CXCL17: variants seen among roughly 807,000 people sequenced by gnomAD.
CXCL17 encodes the protein C-X-C motif chemokine 17.
In CXCL17, 9 loss-of-function variants were observed where a neutral mutation model predicts 15.5. The ratio of observed to expected loss-of-function variants is 0.58; its 90% CI spans 0.35 to 1.01. CXCL17 has a LOEUF of 1.01. Among genes scored for constraint, CXCL17 ranks in the 50% least tolerant of loss-of-function variants. The pLI is 0.02. For synonymous variants in CXCL17, 52 were observed against 52.3 expected (o/e 0.99, Z 0.02); for missense variants, 133 against 138.2 (o/e 0.96, Z 0.19).
chr19:42,431,728 A>G (rs947094870), intron 3 of CXCL17, among the ~76,000 whole-genome samples: 3 of 151,202 alleles, frequency 2.0e-5, no homozygotes, highest in Admixed American at 1.3e-4. Context: ...TATTTTAGAG[A>G]CAGGATCTTG....
intron 1 of CXCL17, among the ~76,000 whole-genome samples, chr19:42,435,599 G>A (rs1039682354): frequency 7.2e-5 from 11 of 152,110 alleles, no homozygotes; most frequent in African/African-American, 2.4e-4. Context: ...TTGGGAGGCC[G>A]AGGTGGGTGA....
chr19:42,429,453 C>T (rs2040754193), intron 3 of CXCL17, among the ~76,000 whole-genome samples: 2 of 151,924 alleles, frequency 1.3e-5, no homozygotes, highest in Admixed American at 6.6e-5. Flanking sequence ...CTCAGCCTCT[C>T]GAGTAGCTGG....
intron 3 of CXCL17, among the ~76,000 whole-genome samples, chr19:42,429,796 C>T (rs952625714): frequency 6.6e-6 from 1 of 152,128 alleles, no homozygotes; most frequent in Non-Finnish European, 1.5e-5. Context: ...TTTTCCATAC[C>T]TTCTGGTATA....
chr19:42,438,407 A>AT (rs1568622705), intron 1 of CXCL17, among the ~76,000 whole-genome samples: 110 of 101,094 alleles, frequency 1.1e-3, no homozygotes, highest in African/African-American at 4.5e-3. Flanking sequence ...TATATATATA[A>AT]AATACACACA....
intron 1 of CXCL17, among the ~76,000 whole-genome samples, chr19:42,435,514 C>A (rs2147697765): frequency 6.6e-6 from 1 of 152,042 alleles, no homozygotes; most frequent in Non-Finnish European, 1.5e-5. Context: ...GGCCCTACAC[C>A]AGTCTGCCTG....
chr19:42,441,908 A>G (rs907348739), intron 1 of CXCL17, among the ~76,000 whole-genome samples: 28 of 152,232 alleles, frequency 1.8e-4, no homozygotes, highest in African/African-American at 6.5e-4. Context: ...AAAGCTTCAA[A>G]TATGGACACT....
At chr19:42,434,329 C>G (rs1038415869) in intron 1 of CXCL17, among the ~76,000 whole-genome samples, 7 of 152,156 alleles carry the variant, frequency 4.6e-5, no homozygotes, top group Admixed American at 4.6e-4. Flanking sequence ...CTCCTCATAC[C>G]TCACATTAAA....
At chr19:42,442,462 T>C (rs1221080924) in intron 1 of CXCL17, among the ~76,000 whole-genome samples, 1 of 152,138 alleles carries the variant, frequency 6.6e-6, no homozygotes, top group Non-Finnish European at 1.5e-5. Context: ...CTCGATCTCC[T>C]GACCTTGTAA....
chr19:42,430,691 A>T (rs1317003475), intron 3 of CXCL17, among the ~76,000 whole-genome samples: 1 of 151,636 alleles, frequency 6.6e-6, no homozygotes, highest in Admixed American at 6.6e-5. Flanking sequence ...CACAGTGATA[A>T]TCTTGACTTT....
At chr19:42,434,667 C>T (rs1282665096) in intron 1 of CXCL17, among the ~76,000 whole-genome samples, 2 of 151,498 alleles carry the variant, frequency 1.3e-5, no homozygotes, top group African/African-American at 2.4e-5. Context: ...TGGGCGTAAG[C>T]GATCCGCCTG....
chr19:42,440,383 A>G (rs899204792), intron 1 of CXCL17, among the ~76,000 whole-genome samples: 8 of 152,112 alleles, frequency 5.3e-5, no homozygotes, highest in South Asian at 2.1e-4. Context: ...TATTTTGGGG[A>G]TGGAGGAGCT....
chr19:42,429,034 C>T, intron 3 of CXCL17, 53 bp from the exon 4 acceptor site: 4 of 1,227,624 alleles, frequency 3.3e-6, no homozygotes, highest in Non-Finnish European at 2.3e-6. Context: ...TTTAACATTT[C>T]TTTTTTTTTT....
Position 42,433,870 on chromosome 19 carries a change from A to C in CXCL17, c.80-14T>G, listed in dbSNP as rs201237936. The C allele has an allele frequency of 5.6e-6, 9 of 1,608,348 alleles. No homozygotes were observed. In the South Asian group the frequency reaches 7.7e-5, roughly 14 times the overall value. On this transcript the variant is annotated splice_polypyrimidine_tract_variant and intron_variant, in intron 1 of 3. Transcript: ENST00000601181. ...CTCTGGCGACCCCTGTCGGAAGGAA[A>C]CAGGTCACATCCAGACACTGGAAAG...
At position 42,428,882 on chromosome 19, in the gene CXCL17, T is replaced by G. The variant is rs764139071; in HGVS notation, c.*2A>C. On this transcript the variant is annotated 3_prime_UTR_variant, in exon 4 of 4. Transcript: ENST00000601181. ...AATTGGAAGAGTGGGCGCTCAGAGC[T>G]CCTACAAAGGCAGAGCAAAGCTTCT... 3 of 1,611,234 alleles carry G rather than the reference T, an allele frequency of 1.9e-6. No homozygotes were observed. Among genetic ancestry groups the G allele is most frequent in the East Asian group, 2.2e-5 (1 of 44,872 alleles).
chr19:42,438,016 A>T (rs933931123), intron 1 of CXCL17, among the ~76,000 whole-genome samples: 3 of 152,078 alleles, frequency 2.0e-5, no homozygotes, highest in Admixed American at 6.6e-5. Context: ...AGTCTAATTT[A>T]TGAATTAGGC....
intron 1 of CXCL17, among the ~76,000 whole-genome samples, chr19:42,437,420 C>G (rs182152620): frequency 4.5e-4 from 69 of 152,208 alleles, no homozygotes; most frequent in African/African-American, 1.5e-3. Flanking sequence ...TTTTGGGAAC[C>G]ACTGATACAG....
intron 2 of CXCL17, 122 bp downstream of exon 2, chr19:42,433,654 C>G: frequency 1.3e-6 from 1 of 779,392 alleles, no homozygotes; most frequent in Non-Finnish European, 2.2e-6. Context: ...ATGTGGCAGG[C>G]TGTGGAGAGG....
At chr19:42,442,482 C>A (rs562639810) in intron 1 of CXCL17, among the ~76,000 whole-genome samples, 1 of 152,112 alleles carries the variant, frequency 6.6e-6, no homozygotes, top group Admixed American at 6.5e-5. Flanking sequence ...ATCCGCCCTG[C>A]CTTGGCCTCC....
rs761739986 is a variant in CXCL17 at position 42,432,959 on chromosome 19, A to G, written c.262+17T>C. The G allele has an allele frequency of 5.0e-6, 8 of 1,590,834 alleles. No individual in the cohort carries two copies. Among genetic ancestry groups the G allele is most frequent in the Non-Finnish European group, 5.2e-6 (6 of 1,159,064 alleles). On this transcript the variant is annotated intron_variant, in intron 3 of 3. Transcript: ENST00000601181. ...GAGTGACTCTGGTATAAGGAAAATC[A>G]TCCTTTGGAAACTTACTTGTTTTCT...
Sources: gnomAD v4.1 joint callset for allele counts (sites outside exome capture counted in the v4.1 genomes callset) on GRCh38, gnomAD v4.1.1 for gene constraint, MANE v1.5 for transcripts, NCBI Gene and HGNC (gene_info 2026-07-23, HGNC 2026-07-21) for gene names.